Variants in RYR3 observed in about 807,000 individuals in gnomAD.
The protein encoded by RYR3 is brain ryanodine receptor-calcium release channel.
In RYR3, 207 loss-of-function variants were observed where a neutral mutation model predicts 584.3. That is an observed-to-expected ratio of 0.35 (90% CI 0.32 to 0.40). The LOEUF (loss-of-function observed/expected upper bound fraction) is 0.40. RYR3 is among the 10% of genes least tolerant of loss of function. RYR3 has a pLI of 1.00. For synonymous variants in RYR3, 2,416 were observed against 2,248.5 expected (o/e 1.07, Z -2.11); for missense variants, 5,616 against 6,089.2 (o/e 0.92, Z 2.59).
intron 1 of RYR3, among the ~76,000 whole-genome samples, chr15:33,435,921 A>G (rs1475527440): frequency 6.6e-6 from 1 of 151,754 alleles, no homozygotes; most frequent in Non-Finnish European, 1.5e-5. Context: ...CCCTTATTTG[A>G]CCCTGCCCAT....
chr15:33,475,285 C>T (rs1370831765), intron 2 of RYR3, among the ~76,000 whole-genome samples: 1 of 152,180 alleles, frequency 6.6e-6, no homozygotes, highest in East Asian at 1.9e-4. Flanking sequence ...AGTCATCCAT[C>T]GAGTAGGGTA....
rs774135328 is a variant in RYR3, at chr15:33,816,972, C to G, written c.10599+14C>G. 2.3e-5 allele frequency: 34 copies of G among 1,485,920 alleles called. No homozygotes were observed. Among genetic ancestry groups the G allele is most frequent in the African/African-American group, 4.1e-5 (3 of 72,432 alleles). 92.0% of individuals were successfully genotyped at this position (1,485,920 alleles called of 1,614,324 possible). A position where few individuals can be genotyped will look rare whatever the true frequency, so the allele number is the denominator to read the frequency against. On this transcript the variant is annotated intron_variant, in intron 75 of 103. Transcript: ENST00000634891. ...CAGGATTTGGCTGTAAGTACTGACT[C>G]CCCTGGGAGCAGATATGAGTGTGGA...
intron 10 of RYR3, among the ~76,000 whole-genome samples, chr15:33,551,920 G>T (rs2056707490): frequency 6.6e-6 from 1 of 152,174 alleles, no homozygotes; most frequent in African/African-American, 2.4e-5. Flanking sequence ...ACATGGAGTG[G>T]GAGCTGAAGG....
intron 1 of RYR3, among the ~76,000 whole-genome samples, chr15:33,330,627 A>T (rs147067637): frequency 6.7e-4 from 102 of 152,252 alleles, no homozygotes; most frequent in African/African-American, 2.4e-3. Context: ...TTAAAGATTG[A>T]CTAATACTAT....
At chr15:33,752,082 G>A (rs760663656) in intron 57 of RYR3, among the ~76,000 whole-genome samples, 26 of 152,206 alleles carry the variant, frequency 1.7e-4, no homozygotes, top group Middle Eastern at 6.8e-3. Flanking sequence ...CTATTCCATC[G>A]GTCTATATCT....
At chr15:33,797,021 C>G (rs1346504558) in intron 67 of RYR3, among the ~76,000 whole-genome samples, 1 of 152,190 alleles carries the variant, frequency 6.6e-6, no homozygotes, top group African/African-American at 2.4e-5. Context: ...AACTCGAATA[C>G]CACATGTTCT....
intron 19 of RYR3, among the ~76,000 whole-genome samples, chr15:33,616,827 AGG>A (rs1218032576): frequency 6.6e-6 from 1 of 152,250 alleles, no homozygotes; most frequent in Non-Finnish European, 1.5e-5. Context: ...GTGGAACCAC[AGG>A]GTCTGTGTAG....
At chr15:33,483,321 C>T (rs1208823064) in intron 2 of RYR3, among the ~76,000 whole-genome samples, 1 of 152,110 alleles carries the variant, frequency 6.6e-6, no homozygotes, top group Admixed American at 6.6e-5. Flanking sequence ...ACTGACTTTG[C>T]TCTTGGTTAT....
At chr15:33,778,508 C>T (rs2074169010) in intron 64 of RYR3, among the ~76,000 whole-genome samples, 1 of 152,204 alleles carries the variant, frequency 6.6e-6, no homozygotes, top group Non-Finnish European at 1.5e-5. Context: ...TAAAATGATG[C>T]CCCTCTTCCC....
At position 33,840,891 on chromosome 15, in the gene RYR3, C is replaced by G. The variant is rs1567294968; in HGVS notation, c.13037+8C>G. Reference sequence around the variant, plus strand: ...AGAATCCGAGAAGGCAGAGTAAGTTCTTGGTAGCATCAACTACTCTCATTG... The same window carrying G: ...AGAATCCGAGAAGGCAGAGTAAGTTGTTGGTAGCATCAACTACTCTCATTG... On this transcript the variant is annotated splice_region_variant and intron_variant, in intron 90 of 103. Coordinates refer to ENST00000634891, the MANE Select transcript of RYR3 (RefSeq NM_001036.6). The G allele has an allele frequency of 6.2e-7, 1 of 1,613,196 alleles. No individual in the cohort carries two copies.
At chr15:33,485,450 G>T (rs1268951540) in intron 2 of RYR3, among the ~76,000 whole-genome samples, 1 of 152,166 alleles carries the variant, frequency 6.6e-6, no homozygotes, top group East Asian at 1.9e-4. Flanking sequence ...GGAGATACAG[G>T]AGAGGGAAGA....
At chr15:33,353,590 C>A (rs1973564730) in intron 1 of RYR3, among the ~76,000 whole-genome samples, 1 of 152,146 alleles carries the variant, frequency 6.6e-6, no homozygotes, top group African/African-American at 2.4e-5. Context: ...GTCCCACATC[C>A]TAGAAACCCC....
chr15:33,572,638 T>TTA (rs1555533594), intron 12 of RYR3, among the ~76,000 whole-genome samples: 1 of 101,598 alleles, frequency 9.8e-6, no homozygotes, highest in Non-Finnish European at 1.9e-5. Context: ...CTCATTAAAT[T>TTA]AAAAAAAAAA....
intron 3 of RYR3, among the ~76,000 whole-genome samples, chr15:33,514,098 T>C (rs2053286163): frequency 6.6e-6 from 1 of 152,188 alleles, no homozygotes; most frequent in African/African-American, 2.4e-5. Flanking sequence ...GGATAGTCAA[T>C]TCCCTTGCTG....
chr15:33,753,876 C>T (rs935306755), intron 57 of RYR3, among the ~76,000 whole-genome samples: 16 of 151,952 alleles, frequency 1.1e-4, no homozygotes, highest in African/African-American at 3.6e-4. Flanking sequence ...GAAAAATTCC[C>T]GTTTACTGTA....
Position 33,353,557 on chromosome 15 carries a change from C to G in RYR3, c.51+42461C>G, listed in dbSNP as rs140551763. On this transcript the variant is annotated intron_variant, in intron 1 of 103. Transcript: ENST00000634891. ...ACTAACCATACTGGTTTGCCCAAGACTGTCTTGATTTTACCACTGAAAGTC... is the reference window on the plus strand; with the variant it reads ...ACTAACCATACTGGTTTGCCCAAGAGTGTCTTGATTTTACCACTGAAAGTC... Among the ~76,000 whole-genome samples the G allele has an allele frequency of 7.1e-3, 1,088 of 152,302 alleles. 9 individuals carry two copies. Among genetic ancestry groups the G allele is most frequent in the Middle Eastern group, 0.027 (8 of 294 alleles).
At chr15:33,540,935 C>T in intron 7 of RYR3, 45 bp downstream of exon 7, 1 of 1,250,574 alleles carries the variant, frequency 8.0e-7, no homozygotes, top group Non-Finnish European at 1.2e-6. Flanking sequence ...GCCTATCTCT[C>T]TTGAGCTGTA....
At chr15:33,753,308 G>C (rs1402330257) in intron 57 of RYR3, among the ~76,000 whole-genome samples, 5 of 152,196 alleles carry the variant, frequency 3.3e-5, no homozygotes, top group African/African-American at 1.2e-4. Context: ...TTGGAACAAA[G>C]GGAATTGATT....
chr15:33,590,614 C>T (rs1398475462), intron 16 of RYR3, among the ~76,000 whole-genome samples: 3 of 147,088 alleles, frequency 2.0e-5, no homozygotes, highest in African/African-American at 7.6e-5. Context: ...AGGTCTTTCA[C>T]CTCCTTGGTT....
Sources: allele counts gnomAD v4.1 joint callset (sites outside exome capture counted in the v4.1 genomes callset), GRCh38; gene constraint gnomAD v4.1.1; transcripts MANE v1.5; gene names NCBI Gene and HGNC (gene_info 2026-07-23, HGNC 2026-07-21).